Variants in ABL2 observed in about 807,000 individuals in gnomAD.
ABL2 encodes tyrosine-protein kinase ABL2.
In ABL2, 49 loss-of-function variants were observed where a neutral mutation model predicts 107.7. The observed-to-expected ratio is 0.45, with a 90% CI of 0.36 to 0.58. The LOEUF (loss-of-function observed/expected upper bound fraction) is 0.58, where lower values mean the gene tolerates loss of function less well. ABL2 is among the 20% of genes least tolerant of loss of function. The pLI is 0.00. For synonymous variants in ABL2, 549 were observed against 548.6 expected, an observed-to-expected ratio of 1.00 and a Z score of -0.01; for missense variants, 1,245 against 1,457.0, an observed-to-expected ratio of 0.85 and a Z score of 2.37.
chr1:179,112,974 G>A (rs931645894), intron 9 of ABL2, among the ~76,000 whole-genome samples: 47 of 152,128 alleles, frequency 3.1e-4, no homozygotes, highest in Admixed American at 9.2e-4. Context: ...TGCTGGTCTC[G>A]AACCCCTGAC....
At chr1:179,129,370 C>T (rs1656056859) in intron 3 of ABL2, among the ~76,000 whole-genome samples, 1 of 152,166 alleles carries the variant, frequency 6.6e-6, no homozygotes, top group Non-Finnish European at 1.5e-5. Context: ...ATATTGTAGT[C>T]CAAAGAGACT....
chr1:179,186,238 C>A (rs1005278174), intron 1 of ABL2, among the ~76,000 whole-genome samples: 1 of 151,822 alleles, frequency 6.6e-6, no homozygotes, highest in African/African-American at 2.4e-5. Context: ...GAGGGAGACG[C>A]TGTCTTAAAA....
In ABL2 at chr1:179,107,737, C is replaced by A. The variant is rs752602354; in HGVS notation, c.3530G>T (p.Ser1177Ile). The change falls in exon 12 of 12, where the codon AGT (serine) becomes ATT (isoleucine). Residue 1177 changes from serine (S) to isoleucine (I), a missense_variant. Ser to Ile is a moderately radical substitution (Grantham distance 142). Transcript: ENST00000502732. The stretch of plus-strand genomic sequence containing the variant: ...CAGTGGCTACCTCTGCACCACATCA[C>A]TGATTTCCTGTACACATGACAATAA... ...NNLLSCVQEI[S>I]DVVQR 18 of 1,610,514 alleles carry A rather than the reference C, an allele frequency of 1.1e-5. No individual in the cohort carries two copies. Among genetic ancestry groups the A allele is most frequent in the Non-Finnish European group, 1.5e-5 (18 of 1,177,398 alleles).
intron 1 of ABL2, among the ~76,000 whole-genome samples, chr1:179,187,049 G>A (rs1377124591): frequency 6.6e-6 from 1 of 152,010 alleles, no homozygotes; most frequent in Non-Finnish European, 1.5e-5. Flanking sequence ...CATTTATAGT[G>A]TACTTTTCAG....
chr1:179,160,560 C>A (rs1298978710), intron 1 of ABL2, among the ~76,000 whole-genome samples: 1 of 151,908 alleles, frequency 6.6e-6, no homozygotes, highest in Admixed American at 6.6e-5. Flanking sequence ...AATAACTTGT[C>A]CAAGATTACA....
At chr1:179,207,609 T>C (rs1208322445) in intron 1 of ABL2, among the ~76,000 whole-genome samples, 1 of 152,210 alleles carries the variant, frequency 6.6e-6, no homozygotes, top group Non-Finnish European at 1.5e-5. Context: ...ATGTAATAAT[T>C]CCTTAATTCT....
At chr1:179,110,742 T>C in intron 10 of ABL2, 4 of 1,613,630 alleles carry the variant, frequency 2.5e-6, no homozygotes, top group African/African-American at 1.3e-5. Context: ...ATGTTTAGGT[T>C]GTTTCCAGTT....
chr1:179,137,883 A>G (rs1657186513), intron 1 of ABL2: 1 of 152,164 alleles, frequency 6.6e-6, no homozygotes, highest in African/African-American at 2.4e-5. Context: ...ACTGGAGGCC[A>G]ATTCTGGACC....
intron 1 of ABL2, among the ~76,000 whole-genome samples, chr1:179,192,424 G>C (rs538497355): frequency 6.6e-6 from 1 of 152,112 alleles, no homozygotes; most frequent in African/African-American, 2.4e-5. Flanking sequence ...ACTCAAGCTC[G>C]AATTACAACA....
In ABL2 at chr1:179,108,701, CT is replaced by C; in HGVS notation, c.2565del (p.Gly856GlufsTer14). On this transcript the variant is annotated frameshift_variant, in exon 12 of 12. Coordinates refer to ENST00000502732, the MANE Select transcript of ABL2 (RefSeq NM_007314.4). LOFTEE classifies it high-confidence loss of function. ...RERPKAKLLPRGATALPLRTP... is the reference protein window; with the variant it reads ...RERPKAKLLPXGATALPLRTP... ...GTTCTGAGAGGAAGAGCTGTGGCTCCTCTGGGCAATAACTTGGCTTTTGGTC... is the reference window on the plus strand; with the variant it reads ...GTTCTGAGAGGAAGAGCTGTGGCTCCCTGGGCAATAACTTGGCTTTTGGTC... 6.2e-7 allele frequency: 1 copy of C among 1,614,152 alleles called. No individual in the cohort carries two copies. The highest frequency in any genetic ancestry group is 8.5e-7 in the Non-Finnish European group (1 of 1,179,988).
chr1:179,160,607 T>C (rs1430964261), intron 1 of ABL2, among the ~76,000 whole-genome samples: 2 of 152,172 alleles, frequency 1.3e-5, no homozygotes, highest in Non-Finnish European at 2.9e-5. Context: ...TCCTTATATA[T>C]TTTATGATAA....
rs1274135075 is a variant in ABL2, at chr1:179,108,810, A to C, written c.2457T>G (p.Ser819=). Residue 819 remains serine, a synonymous_variant, in exon 12 of 12, where the codon TCT becomes TCG. Coordinates refer to ENST00000502732, the MANE Select transcript of ABL2 (RefSeq NM_007314.4). ...TGTCCACATTCTCTTCTGGCTGAGA[A>C]GAGGTGGACACTGTCCTTTCCAGCT... ...KLQLERTVST[S]SQPEENVDRA... 1 of 1,614,164 alleles carries C rather than the reference A, an allele frequency of 6.2e-7. No individual in the cohort carries two copies. The highest frequency in any genetic ancestry group is 8.5e-7 in the Non-Finnish European group (1 of 1,180,032).
chr1:179,111,765 C>T (rs777855898), intron 10 of ABL2, among the ~76,000 whole-genome samples: 5 of 151,794 alleles, frequency 3.3e-5, no homozygotes, highest in Admixed American at 6.6e-5. Flanking sequence ...CCAAGAAGGC[C>T]GGGCGCTGTG....
chr1:179,159,034 G>C (rs943533277), intron 1 of ABL2, among the ~76,000 whole-genome samples: 2 of 152,192 alleles, frequency 1.3e-5, no homozygotes, highest in African/African-American at 4.8e-5. Context: ...ATCAGCAGTA[G>C]AGCATGGTGG....
chr1:179,216,717 T>A (rs1234767129), intron 1 of ABL2, among the ~76,000 whole-genome samples: 2 of 151,318 alleles, frequency 1.3e-5, no homozygotes, highest in Admixed American at 6.6e-5. Context: ...TTACACAGAT[T>A]CTTTTTTTTT....
Position 179,106,214 on chromosome 1 carries a change from T to C in ABL2, c.*1504A>G, listed in dbSNP as rs1025573197. 8.9e-6 allele frequency: 2 copies of C among 225,214 alleles called. No homozygotes were observed. Among genetic ancestry groups the C allele is most frequent in the African/African-American group, 4.5e-5 (2 of 44,892 alleles). 14.0% of individuals were successfully genotyped at this position (225,214 alleles called of 1,614,324 possible). On this transcript the variant is annotated 3_prime_UTR_variant, in exon 12 of 12. Coordinates refer to ENST00000502732, the MANE Select transcript of ABL2 (RefSeq NM_007314.4). Reference sequence around the variant, plus strand: ...AAGCAGTAACTGGAATTAGACCCGATACCAAGAACATTAATAATACCTAAC... The same window carrying C: ...AAGCAGTAACTGGAATTAGACCCGACACCAAGAACATTAATAATACCTAAC...
chr1:179,196,066 G>A (rs1571296037), intron 1 of ABL2, among the ~76,000 whole-genome samples: 1 of 152,314 alleles, frequency 6.6e-6, no homozygotes, highest in East Asian at 1.9e-4. Flanking sequence ...GAGGTGGACG[G>A]ATCACTTGAG....
At chr1:179,131,260 T>C (rs1572662243) in intron 3 of ABL2, 51 bp downstream of exon 3, 1 of 1,582,654 alleles carries the variant, frequency 6.3e-7, no homozygotes. Context: ...CTTTATCTCT[T>C]AATCATTAAT....
chr1:179,227,910 G>A (rs752541728), intron 1 of ABL2, among the ~76,000 whole-genome samples: 1 of 152,018 alleles, frequency 6.6e-6, no homozygotes, highest in Non-Finnish European at 1.5e-5. Context: ...AATTAGCCGG[G>A]TGTGGTGGCG....
Sources: gnomAD v4.1 joint callset for allele counts (sites outside exome capture counted in the v4.1 genomes callset) on GRCh38, gnomAD v4.1.1 for gene constraint, MANE v1.5 for transcripts, NCBI Gene and HGNC (gene_info 2026-07-23, HGNC 2026-07-21) for gene names.